CCDC40: variants seen among roughly 807,000 people sequenced by gnomAD.
CCDC40 encodes the protein coiled-coil domain 40 molecular ruler complex subunit.
CCDC40 carries 104 observed loss-of-function variants against 124.5 expected under a neutral mutation model. The observed-to-expected ratio is 0.84, with a 90% CI of 0.71 to 0.98. The LOEUF (loss-of-function observed/expected upper bound fraction) is 0.98, where lower values mean the gene tolerates loss of function less well. Ranked by LOEUF, CCDC40 falls within the 50% of genes least tolerant of loss-of-function variation. The pLI, the probability that CCDC40 is intolerant of heterozygous loss-of-function variation, is 0.00. For missense variants in CCDC40, 1,463 were observed against 1,503.9 expected (o/e 0.97, Z 0.45); for synonymous variants, 580 against 602.9 (o/e 0.96, Z 0.56).
intron 2 of CCDC40, among the ~76,000 whole-genome samples, chr17:80,038,674 A>C (rs533626475): frequency 2.0e-5 from 3 of 150,348 alleles, no homozygotes; most frequent in Non-Finnish European, 4.4e-5. Context: ...AAAATACAAA[A>C]ATTTGCCAGG....
intron 16 of CCDC40, 132 bp from the exon 17 acceptor site, chr17:80,089,632 T>C: frequency 9.6e-7 from 1 of 1,037,136 alleles, no homozygotes; most frequent in East Asian, 3.1e-5. Context: ...TTTGAGAGCC[T>C]CACGCTTTCT....
chr17:80,060,429 G>A (rs2037868443), intron 9 of CCDC40, among the ~76,000 whole-genome samples: 1 of 151,670 alleles, frequency 6.6e-6, no homozygotes, highest in Non-Finnish European at 1.5e-5. Flanking sequence ...CCATGGTGGT[G>A]TGCACCTGTG....
intron 10 of CCDC40, among the ~76,000 whole-genome samples, chr17:80,069,867 T>C (rs2038148203): frequency 1.3e-5 from 2 of 152,200 alleles, no homozygotes; most frequent in Non-Finnish European, 2.9e-5. Context: ...CTCCTAGACT[T>C]CCTTTTCCCT....
At chr17:80,067,665 C>A (rs751987383) in intron 10 of CCDC40, 3 of 1,535,886 alleles carry the variant, frequency 2.0e-6, no homozygotes, top group Non-Finnish European at 2.6e-6. Context: ...TGTAGATAAC[C>A]GGATCCGCGA....
chr17:80,091,340 CACAGAG>C (rs2038718769), intron 17 of CCDC40, among the ~76,000 whole-genome samples: 2 of 145,700 alleles, frequency 1.4e-5, no homozygotes, highest in African/African-American at 5.1e-5. Flanking sequence ...CACACACACA[CACAGAG>C]AGAGAGAGAG....
At chr17:80,094,758 G>A (rs961809904) in intron 17 of CCDC40, among the ~76,000 whole-genome samples, 1 of 152,152 alleles carries the variant, frequency 6.6e-6, no homozygotes, top group Non-Finnish European at 1.5e-5. Context: ...CGTAGCCACT[G>A]ACGCCATCAA....
intron 12 of CCDC40, among the ~76,000 whole-genome samples, chr17:80,083,289 C>T (rs1422434072): frequency 1.3e-5 from 2 of 152,164 alleles, no homozygotes; most frequent in African/African-American, 2.4e-5. Flanking sequence ...AGGCTGCGAG[C>T]TGACATTGCC....
chr17:80,075,412 A>C (rs1282975389), intron 10 of CCDC40, among the ~76,000 whole-genome samples: 1 of 151,890 alleles, frequency 6.6e-6, no homozygotes, highest in African/African-American at 2.4e-5. Context: ...CAAGTGGCTA[A>C]GATTAGAGGC....
Position 80,040,123 on chromosome 17 carries a change from G to A in CCDC40, c.405G>A (p.Glu135=). The A allele has an allele frequency of 1.2e-6, 2 of 1,614,152 alleles. No homozygotes were observed. Among genetic ancestry groups the A allele is most frequent in the Non-Finnish European group, 1.7e-6 (2 of 1,180,016 alleles). Residue 135 remains glutamate (E), a synonymous_variant, in exon 3 of 20, where the codon GAG becomes GAA. Coordinates refer to ENST00000397545, the MANE Select transcript of CCDC40 (RefSeq NM_017950.4). ...AGGCATACGATAGTGTTAGCGGGGA[G>A]GCTGGTCTCCAAGGCTTCCAGCAAG... ...GEEAYDSVSG[E]AGLQGFQQEA...
At chr17:80,040,396 A>G (rs1292824796) in intron 3 of CCDC40, 126 bp downstream of exon 3, 5 of 1,018,764 alleles carry the variant, frequency 4.9e-6, no homozygotes, top group Non-Finnish European at 1.5e-6. Flanking sequence ...TGTCTTAGCA[A>G]GGCTGGGTGC....
intron 10 of CCDC40, among the ~76,000 whole-genome samples, chr17:80,080,333 G>A (rs2038419982): frequency 6.6e-6 from 1 of 152,226 alleles, no homozygotes; most frequent in Non-Finnish European, 1.5e-5. Context: ...AACCCAGGAG[G>A]CAGAGGTTGC....
chr17:80,060,929 G>A (rs1375662339), intron 9 of CCDC40, among the ~76,000 whole-genome samples: 1 of 152,204 alleles, frequency 6.6e-6, no homozygotes, highest in African/African-American at 2.4e-5. Context: ...ATAAATTCCA[G>A]ATGGAATCAA....
chr17:80,091,829 T>C (rs1034527822), intron 17 of CCDC40, among the ~76,000 whole-genome samples: 2 of 152,078 alleles, frequency 1.3e-5, no homozygotes, highest in Admixed American at 1.3e-4. Flanking sequence ...TCAAAGGGTG[T>C]ATAAATTCTG....
rs541172966 is a variant in CCDC40, at chr17:80,038,131, C to T, written c.38C>T (p.Pro13Leu). 110 of 1,609,078 alleles carry T rather than the reference C, an allele frequency of 6.8e-5. No individual in the cohort carries two copies. In the South Asian group the frequency reaches 1.0e-3, roughly 15 times the overall value. Residue 13 changes from proline to leucine, a missense_variant, in exon 2 of 20, where the codon CCG (proline) becomes CTG (leucine). Physicochemically the swap from Pro to Leu is moderately conservative, Grantham distance 98. Coordinates refer to ENST00000397545, the MANE Select transcript of CCDC40 (RefSeq NM_017950.4). ...EPGGAAGRSHPEDGSASEGEK... is the reference protein window; with the variant it reads ...EPGGAAGRSHLEDGSASEGEK... The stretch of plus-strand genomic sequence containing the variant: ...TGTTTCTCTAAAACCAGGTCCCATC[C>T]GGAAGATGGATCGGCTTCTGAGGGA...
At chr17:80,039,246 AG>A (rs1238241669) in intron 2 of CCDC40, among the ~76,000 whole-genome samples, 4 of 152,058 alleles carry the variant, frequency 2.6e-5, no homozygotes, top group African/African-American at 9.7e-5. Context: ...ACACACCTGT[AG>A]TCCCAGCTAC....
At position 80,086,027 on chromosome 17, in the gene CCDC40, C is replaced by T. The variant is rs760873352; in HGVS notation, c.2260C>T (p.Leu754Phe). 1.2e-6 allele frequency: 2 copies of T among 1,613,988 alleles called. No individual in the cohort carries two copies. Among genetic ancestry groups the T allele is most frequent in the South Asian group, 1.1e-5 (1 of 91,080 alleles). Residue 754 changes from leucine to phenylalanine, a missense_variant, in exon 14 of 20, where the codon CTT becomes TTT. Leu to Phe is a conservative substitution (Grantham distance 22, BLOSUM62 0). Transcript: ENST00000397545. This position sits in a 1 kb window ranked among gnomAD's most constrained non-coding sequence, Gnocchi z 5.5. ...GGGGGAAGAAGTGGGGCCCCTGGAGCTTGAAATCAAAAGGCTGAGCAAGCT... is the reference window on the plus strand; with the variant it reads ...GGGGGAAGAAGTGGGGCCCCTGGAGTTTGAAATCAAAAGGCTGAGCAAGCT... Reference protein sequence around the residue: ...LGGEEVGPLELEIKRLSKLID... With the variant: ...LGGEEVGPLEFEIKRLSKLID...
chr17:80,065,711 A>T (rs890359641), intron 10 of CCDC40, 105 bp downstream of exon 10: 3 of 1,475,222 alleles, frequency 2.0e-6, no homozygotes, highest in Non-Finnish European at 2.8e-6. Context: ...TCTGGGACAG[A>T]GGGTGCACCT....
At chr17:80,045,112 C>T (rs189948764) in intron 3 of CCDC40, among the ~76,000 whole-genome samples, 121 of 152,298 alleles carry the variant, frequency 7.9e-4, no homozygotes, top group African/African-American at 2.6e-3. Context: ...ACACCATCTG[C>T]GGAAGTGCCG....
chr17:80,037,949 CAG>C, intron 1 of CCDC40, 172 bp from the exon 2 acceptor site: 1 of 588,672 alleles, frequency 1.7e-6, no homozygotes, highest in Non-Finnish European at 3.2e-6. Context: ...CGCCACCTGA[CAG>C]GCATGATATA....
Sources: allele counts gnomAD v4.1 joint callset (sites outside exome capture counted in the v4.1 genomes callset), GRCh38; gene constraint gnomAD v4.1.1; non-coding constraint Gnocchi (gnomAD v3.1); transcripts MANE v1.5; gene names NCBI Gene and HGNC (gene_info 2026-07-23, HGNC 2026-07-21).